Variants in PHF11 observed in about 807,000 individuals in gnomAD.
PHF11 encodes the protein BRCA1 C-terminus-associated protein.
Under a neutral mutation model 40.5 loss-of-function variants are expected in PHF11, and 38 were observed. The ratio of observed to expected loss-of-function variants is 0.94; its 90% CI spans 0.72 to 1.23. The LOEUF (loss-of-function observed/expected upper bound fraction) is 1.23. Among genes scored for constraint, PHF11 ranks in the 50% most tolerant of loss-of-function variants. The pLI, the probability that PHF11 is intolerant of heterozygous loss-of-function variation, is 0.00. For synonymous variants in PHF11, 127 were observed against 138.2 expected (o/e 0.92, Z 0.57); for missense variants, 369 against 392.4 (o/e 0.94, Z 0.50).
At position 49,496,830 on chromosome 13, in the gene PHF11, CTTTTTT is replaced by C. The variant is rs34505707; in HGVS notation, c.94+751_94+756del. Among the ~76,000 whole-genome samples the C allele has an allele frequency of 9.8e-3, 862 of 88,060 alleles. 12 individuals carry two copies. The highest frequency in any genetic ancestry group is 0.036 in the African/African-American group (794 of 22,218). The allele number at this position is 88,060 out of a possible 152,430, so 57.8% of individuals were successfully genotyped here. On this transcript the variant is annotated intron_variant, in intron 1 of 9. Transcript: ENST00000378319. Reference sequence around the variant, plus strand: ...TGAGGAGAGGATGGCTGGGCTTACCCTTTTTTTTTTTTTTTTTTTTTGAGAGGAGTT... The same window carrying C: ...TGAGGAGAGGATGGCTGGGCTTACCCTTTTTTTTTTTTTTTGAGAGGAGTT...
At chr13:49,498,994 AC>A (rs999820571) in intron 1 of PHF11, among the ~76,000 whole-genome samples, 1 of 152,164 alleles carries the variant, frequency 6.6e-6, no homozygotes, top group Non-Finnish European at 1.5e-5. Context: ...AGACTCACAG[AC>A]CCCCAGAGCA....
chr13:49,508,110 TAGAG>T (rs1219075294), intron 2 of PHF11, among the ~76,000 whole-genome samples: 10 of 148,006 alleles, frequency 6.8e-5, no homozygotes, highest in African/African-American at 2.2e-4. Context: ...TATAAATAAT[TAGAG>T]AGACAAAACC....
chr13:49,504,571 C>A (rs1215169447), intron 1 of PHF11, among the ~76,000 whole-genome samples: 4 of 124,108 alleles, frequency 3.2e-5, no homozygotes, highest in Admixed American at 8.2e-5. Context: ...CCCGGCCAGC[C>A]GCCCCGTCCG....
Position 49,528,956 on chromosome 13 carries a change from T to C in PHF11, c.*291T>C, listed in dbSNP as rs2139087758. 1 of 234,220 alleles carries C rather than the reference T, an allele frequency of 4.3e-6. No homozygotes were observed. The highest frequency in any genetic ancestry group is 1.6e-4 in the South Asian group (1 of 6,200). 14.5% of individuals were successfully genotyped at this position (234,220 alleles called of 1,614,324 possible). ...ACAGCCCATGATAGCCTCTTAGATA[T>C]AATAAATTTGGATTATACTACTTTA... is the stretch of plus-strand genomic sequence containing the variant. On this transcript the variant is annotated 3_prime_UTR_variant, in exon 10 of 10. Transcript: ENST00000378319.
intron 3 of PHF11, among the ~76,000 whole-genome samples, chr13:49,514,092 G>A (rs1169549342): frequency 6.6e-6 from 1 of 152,204 alleles, no homozygotes; most frequent in Non-Finnish European, 1.5e-5. Flanking sequence ...CAAGGAGGAA[G>A]AAATGCTGAG....
chr13:49,513,328 A>ATTT (rs5803468), intron 3 of PHF11, among the ~76,000 whole-genome samples, 162 bp downstream of exon 3: 2 of 126,150 alleles, frequency 1.6e-5, no homozygotes, highest in African/African-American at 3.0e-5. Context: ...TTAACATTTA[A>ATTT]TTTTTTTTTT....
chr13:49,510,366 G>A (rs1959067013), intron 2 of PHF11, among the ~76,000 whole-genome samples: 1 of 152,026 alleles, frequency 6.6e-6, no homozygotes, highest in Non-Finnish European at 1.5e-5. Flanking sequence ...CTCATGGGTT[G>A]CATTTGGTTA....
chr13:49,526,779 T>TA (rs1959312045), intron 9 of PHF11, among the ~76,000 whole-genome samples: 1 of 152,142 alleles, frequency 6.6e-6, no homozygotes, highest in Non-Finnish European at 1.5e-5. Context: ...CACAAATACT[T>TA]TTATAATGAG....
intron 3 of PHF11, among the ~76,000 whole-genome samples, 163 bp downstream of exon 3, chr13:49,513,329 T>A (rs976820345): frequency 4.2e-5 from 1 of 23,568 alleles, no homozygotes; most frequent in Non-Finnish European, 8.0e-5. Context: ...TAACATTTAA[T>A]TTTTTTTTTT....
chr13:49,513,477 C>T lies in PHF11; in HGVS notation c.324+311C>T, dbSNP rs1450436074. On this transcript the variant is annotated intron_variant, in intron 3 of 9. Transcript: ENST00000378319. ...TCCCGAGTAGCTAGGATTACAGGCACGGGCCACCATGCTCGGCAAATTTTT... is the reference window on the plus strand; with the variant it reads ...TCCCGAGTAGCTAGGATTACAGGCATGGGCCACCATGCTCGGCAAATTTTT... Among the ~76,000 whole-genome samples, 17 of 151,956 alleles carry T rather than the reference C, an allele frequency of 1.1e-4. No individual in the cohort carries two copies. In the East Asian group the frequency reaches 1.7e-3, roughly 16 times the overall value.
intron 2 of PHF11, among the ~76,000 whole-genome samples, chr13:49,508,166 A>T (rs1051758024): frequency 2.7e-5 from 4 of 147,866 alleles, no homozygotes; most frequent in Non-Finnish European, 4.5e-5. Flanking sequence ...TATTATATGT[A>T]TTAATATATT....
At chr13:49,521,094 AC>A (rs1350841618) in intron 5 of PHF11, 154 bp downstream of exon 5, 36 of 1,370,206 alleles carry the variant, frequency 2.6e-5, no homozygotes, top group Non-Finnish European at 3.4e-5. Flanking sequence ...TTCTTTGTGT[AC>A]TATGTGATAT....
intron 1 of PHF11, among the ~76,000 whole-genome samples, chr13:49,501,455 C>T (rs1374884932): frequency 1.3e-5 from 2 of 152,102 alleles, no homozygotes; most frequent in African/African-American, 4.8e-5. Flanking sequence ...CAGTTTCATC[C>T]TAGGGCAGGG....
chr13:49,506,163 C>T (rs1237516880), intron 1 of PHF11, among the ~76,000 whole-genome samples: 2 of 151,220 alleles, frequency 1.3e-5, no homozygotes, highest in Non-Finnish European at 2.9e-5. Flanking sequence ...TTGAAAATGC[C>T]AAGGCAGAAG....
At chr13:49,506,812 A>T (rs1326309785) in intron 2 of PHF11, 56 bp downstream of exon 2, 1 of 1,236,052 alleles carries the variant, frequency 8.1e-7, no homozygotes, top group Non-Finnish European at 1.1e-6. Flanking sequence ...TGTAGGACAC[A>T]TAAGAATAGA....
chr13:49,528,448 G>A (rs1346124801), intron 9 of PHF11, 63 bp from the exon 10 acceptor site: 38 of 1,163,930 alleles, frequency 3.3e-5, no homozygotes. Context: ...GGCTAGAAAT[G>A]GTACATTATT....
chr13:49,521,993 G>A (rs1200578791), intron 5 of PHF11, 50 bp from the exon 6 acceptor site: 1 of 908,588 alleles, frequency 1.1e-6, no homozygotes, highest in Non-Finnish European at 1.8e-6. Context: ...TAGTCAAACA[G>A]TAATCTTTTC....
At chr13:49,496,408 C>G in intron 1 of PHF11, 1 of 1,108,234 alleles carries the variant, frequency 9.0e-7, no homozygotes, top group Non-Finnish European at 1.1e-6. Context: ...GTGCTTCCAC[C>G]ACAACCGATG....
chr13:49,504,139 T>C (rs540749004), intron 1 of PHF11, among the ~76,000 whole-genome samples: 73 of 152,226 alleles, frequency 4.8e-4, no homozygotes, highest in African/African-American at 1.6e-3. Context: ...GTGCACAACA[T>C]AGTGACTCAA....
Sources: gnomAD v4.1 joint callset for allele counts (sites outside exome capture counted in the v4.1 genomes callset) on GRCh38, gnomAD v4.1.1 for gene constraint, MANE v1.5 for transcripts, NCBI Gene and HGNC (gene_info 2026-07-23, HGNC 2026-07-21) for gene names.